Variants in ZFC3H1 observed in about 807,000 individuals in gnomAD.
The protein encoded by ZFC3H1 is zinc finger C3H1 domain-containing protein.
In ZFC3H1, 71 loss-of-function variants were observed where a neutral mutation model predicts 243.7. The observed-to-expected ratio is 0.29, with a 90% CI of 0.24 to 0.36. The LOEUF (loss-of-function observed/expected upper bound fraction) is 0.36. Among genes scored for constraint, ZFC3H1 ranks in the 10% least tolerant of loss-of-function variants. The pLI, the probability that ZFC3H1 is intolerant of heterozygous loss-of-function variation, is 1.00. For synonymous variants in ZFC3H1, 838 were observed against 813.0 expected (o/e 1.03, Z -0.52); for missense variants, 1,966 against 2,317.1 (o/e 0.85, Z 3.11).
intron 30 of ZFC3H1, among the ~76,000 whole-genome samples, chr12:71,614,329 A>AT (rs141214751): frequency 0.058 from 8,847 of 152,260 alleles, 360 homozygotes; most frequent in South Asian, 0.087. Context: ...TAACATAATA[A>AT]TTAATGCACA....
chr12:71,628,961 G>A lies in ZFC3H1; in HGVS notation c.3903C>T (p.Ser1301=), dbSNP rs1475114881. The A allele has an allele frequency of 1.2e-6, 2 of 1,612,870 alleles. No individual in the cohort carries two copies. Among genetic ancestry groups the A allele is most frequent in the East Asian group, 2.2e-5 (1 of 44,816 alleles). ...KFWRKPISDN[S]FSSDEEQSTG... is the part of the protein sequence containing the mutation. ...TAGACTGTTCCTCATCACTACTGAA[G>A]CTATTATCTGAAATAGGTTTTCTCC... Residue 1301 remains serine, a synonymous_variant, in exon 20 of 35, where the codon AGC becomes AGT. Transcript: ENST00000378743.
At position 71,663,427 on chromosome 12, in the gene ZFC3H1, G is replaced by T; in HGVS notation, c.184C>A (p.Arg62=). 6.2e-7 allele frequency: 1 copy of T among 1,611,886 alleles called. No individual in the cohort carries two copies. ...CCGCCTCCGCCAGATCCACCGCCCC[G>T]GGCCGAGTGAGGAGGCCTTCGCCGC... ...YPRRRPPHSA[R]GGGSGGGGGS... is the part of the protein sequence containing the mutation. The change falls in exon 1 of 35, where the codon CGG becomes AGG. Residue 62 remains arginine (R), a synonymous_variant. Transcript: ENST00000378743.
intron 18 of ZFC3H1, among the ~76,000 whole-genome samples, chr12:71,629,975 G>A (rs1236490529): frequency 2.6e-5 from 4 of 151,686 alleles, no homozygotes; most frequent in Admixed American, 6.6e-5. Flanking sequence ...TCCCAAATTG[G>A]GAGCGATAAA....
intron 5 of ZFC3H1, 48 bp downstream of exon 5, chr12:71,644,047 A>T: frequency 6.7e-7 from 1 of 1,500,974 alleles, no homozygotes; most frequent in Non-Finnish European, 9.2e-7. Context: ...ATATGACTTT[A>T]AGGAAACTTA....
At position 71,630,550 on chromosome 12, in the gene ZFC3H1, T is replaced by C. The variant is rs202217099; in HGVS notation, c.3724+50A>G. On this transcript the variant is annotated intron_variant, in intron 18 of 34. Transcript: ENST00000378743. ...CAACAACTAATATAGAATTTTTAAG[T>C]TGCCTAAATTCAATTTTCATTTGGG... is the stretch of plus-strand genomic sequence containing the variant. The C allele has an allele frequency of 2.5e-5, 40 of 1,575,972 alleles. No individual in the cohort carries two copies. The East Asian group carries it at 9.0e-4, about 35-fold the overall frequency.
At position 71,611,094 on chromosome 12, in the gene ZFC3H1, G is replaced by A. The variant is rs747505897; in HGVS notation, c.5733C>T (p.Ala1911=). ...CCTTTAGAACAATCTCAGCAGCAAT[G>A]GCTCTAAGAGAAAAAAAAAAAAAAA... ...IPTCLATWKI[A]IAAEIVLKGQ... The change falls in exon 33 of 35, where the codon GCC becomes GCT. Residue 1911 remains alanine (A), a synonymous_variant. Coordinates refer to ENST00000378743, the MANE Select transcript of ZFC3H1 (RefSeq NM_144982.5). The A allele has an allele frequency of 1.3e-5, 19 of 1,510,744 alleles. No individual in the cohort carries two copies. In the East Asian group the frequency reaches 2.1e-4, roughly 17 times the overall value. The allele number at this position is 1,510,744 out of a possible 1,614,324, so 93.6% of individuals were successfully genotyped here. A position where few individuals can be genotyped will look rare whatever the true frequency, so the allele number is the denominator to read the frequency against.
chr12:71,646,751 GAC>G (rs1351531216), intron 3 of ZFC3H1, among the ~76,000 whole-genome samples: 1 of 152,112 alleles, frequency 6.6e-6, no homozygotes, highest in Non-Finnish European at 1.5e-5. Context: ...CACGCCCAGT[GAC>G]ACTTTTGATT....
At chr12:71,620,158 TG>T in intron 25 of ZFC3H1, 34 bp from the exon 26 acceptor site, 1 of 1,611,438 alleles carries the variant, frequency 6.2e-7, no homozygotes, top group Non-Finnish European at 8.5e-7. Context: ...GCTAAAGACA[TG>T]AAAAGATCAC....
At chr12:71,629,156 T>C (rs1880248880) in intron 19 of ZFC3H1, 119 bp from the exon 20 acceptor site, 3 of 919,274 alleles carry the variant, frequency 3.3e-6, no homozygotes, top group Non-Finnish European at 4.6e-6. Flanking sequence ...AAATGATACG[T>C]ATTTTTTTTT....
In ZFC3H1 at chr12:71,627,839, C is replaced by A. The variant is rs367851178; in HGVS notation, c.4042G>T (p.Ala1348Ser). The A allele has an allele frequency of 6.2e-7, 1 of 1,613,640 alleles. No individual in the cohort carries two copies. Among genetic ancestry groups the A allele is most frequent in the Non-Finnish European group, 8.5e-7 (1 of 1,179,842 alleles). ...RYFTNETDDI[A>S]NLEASVLENP... is the part of the protein sequence containing the mutation. ...TCAAGCACACTTGCTTCTAAATTAGCGATGTCATCAGTCTCATTTGTAAAG... is the reference window on the plus strand; with the variant it reads ...TCAAGCACACTTGCTTCTAAATTAGAGATGTCATCAGTCTCATTTGTAAAG... Residue 1348 changes from alanine to serine, a missense_variant, in exon 21 of 35, where the codon GCT (alanine) becomes TCT (serine). By Grantham distance (99) the Ala-to-Ser change is moderately conservative. This residue lies in a region of ZFC3H1 where 1,383 missense variants were observed against 1,723.7 expected (regional missense o/e 0.80). Coordinates refer to ENST00000378743, the MANE Select transcript of ZFC3H1 (RefSeq NM_144982.5).
chr12:71,644,386 A>C, intron 4 of ZFC3H1, 68 bp from the exon 5 acceptor site: 2 of 1,489,442 alleles, frequency 1.3e-6, no homozygotes, highest in Non-Finnish European at 1.8e-6. Flanking sequence ...AGTCTTAAAA[A>C]ATATTTTCAT....
At chr12:71,640,292 G>T (rs911127340) in intron 6 of ZFC3H1, among the ~76,000 whole-genome samples, 1 of 152,196 alleles carries the variant, frequency 6.6e-6, no homozygotes, top group African/African-American at 2.4e-5. Context: ...AAAAGTTCTG[G>T]GATTACAGGT....
Position 71,620,964 on chromosome 12 carries a change from T to C in ZFC3H1, c.4745-649A>G, listed in dbSNP as rs546147205. 1.4e-3 allele frequency among the ~76,000 whole-genome samples: 220 copies of C among 152,360 alleles called. 1 individual carries two copies. Among genetic ancestry groups the C allele is most frequent in the South Asian group, 5.8e-3 (28 of 4,828 alleles). The stretch of plus-strand genomic sequence containing the variant: ...TGAAGTTCATTCATAAGGACTCATA[T>C]CTAACCAAACATAAAAGCTCACCTC... On this transcript the variant is annotated intron_variant, in intron 24 of 34. Coordinates refer to ENST00000378743, the MANE Select transcript of ZFC3H1 (RefSeq NM_144982.5).
At chr12:71,641,598 G>A (rs1484722682) in intron 6 of ZFC3H1, among the ~76,000 whole-genome samples, 1 of 152,176 alleles carries the variant, frequency 6.6e-6, no homozygotes, top group East Asian at 1.9e-4. Context: ...GGCCCTCAAA[G>A]ATAAGTCAGA....
At chr12:71,610,964 C>T (rs1879752667) in intron 33 of ZFC3H1, 94 bp downstream of exon 33, 1 of 1,549,024 alleles carries the variant, frequency 6.5e-7, no homozygotes, top group Non-Finnish European at 8.7e-7. Flanking sequence ...GAAATGTTAA[C>T]TTCTGTGCTT....
In ZFC3H1 at chr12:71,624,118, G is replaced by C; in HGVS notation, c.4492C>G (p.Leu1498Val). Reference sequence around the variant, plus strand: ...CAAGTGCTTACCTGTAAAATTGCCAGTGCACTTTGGCATCTTCCAGTAAAT... The same window carrying C: ...CAAGTGCTTACCTGTAAAATTGCCACTGCACTTTGGCATCTTCCAGTAAAT... ...HIFTGRCQSA[L>V]AILQNALKSA... Residue 1498 changes from leucine (L) to valine (V), a missense_variant, in exon 23 of 35, where the codon CTG (leucine) becomes GTG (valine). Coordinates refer to ENST00000378743, the MANE Select transcript of ZFC3H1 (RefSeq NM_144982.5). 1 of 1,611,582 alleles carries C rather than the reference G, an allele frequency of 6.2e-7. No individual in the cohort carries two copies. The highest frequency in any genetic ancestry group is 2.2e-5 in the East Asian group (1 of 44,848).
Position 71,632,164 on chromosome 12 carries a change from A to T in ZFC3H1, c.3168T>A (p.Pro1056=), listed in dbSNP as rs768389385. 464 of 1,604,148 alleles carry T rather than the reference A, an allele frequency of 2.9e-4. 1 individual carries two copies. The highest frequency in any genetic ancestry group is 3.9e-4 in the Non-Finnish European group (458 of 1,176,474). Residue 1056 remains proline, a synonymous_variant, in exon 15 of 35, where the codon CCT becomes CCA. Transcript: ENST00000378743. The stretch of plus-strand genomic sequence containing the variant: ...TAGCAGTATCAGTGTGCTTAAGGTT[A>T]GGTTTAGTAAAATAATTGGATTCTA... ...SFLESNYFTK[P]NLKHTDTANK...
At position 71,627,743 on chromosome 12, in the gene ZFC3H1, T is replaced by A; in HGVS notation, c.4130+8A>T. On this transcript the variant is annotated splice_region_variant and intron_variant, in intron 21 of 34. Coordinates refer to ENST00000378743, the MANE Select transcript of ZFC3H1 (RefSeq NM_144982.5). ...AACTGTTTACACAAAGATTTGAAGTTGACCTACCCCTCATTTTGATTCAAG... is the reference window on the plus strand; with the variant it reads ...AACTGTTTACACAAAGATTTGAAGTAGACCTACCCCTCATTTTGATTCAAG... 1 of 1,600,388 alleles carries A rather than the reference T, an allele frequency of 6.2e-7. No homozygotes were observed. The highest frequency in any genetic ancestry group is 8.5e-7 in the Non-Finnish European group (1 of 1,174,382).
intron 6 of ZFC3H1, among the ~76,000 whole-genome samples, chr12:71,640,234 C>T (rs1880566768): frequency 6.6e-6 from 1 of 152,176 alleles, no homozygotes; most frequent in South Asian, 2.1e-4. Context: ...GTTGGCCAGG[C>T]TGGTTTTGAA....
Sources: gnomAD v4.1 joint callset for allele counts (sites outside exome capture counted in the v4.1 genomes callset) on GRCh38, gnomAD v4.1.1 for gene constraint, gnomAD v4.1.1 regional missense constraint, MANE v1.5 for transcripts, NCBI Gene and HGNC (gene_info 2026-07-23, HGNC 2026-07-21) for gene names.